The following XIRP2 variants were observed in gnomAD, a reference collection of about 807,000 sequenced individuals.
The protein encoded by XIRP2 is xin actin-binding repeat-containing protein 2.
In XIRP2, 236 loss-of-function variants were observed where a neutral mutation model predicts 277.0. The observed-to-expected ratio is 0.85, with a 90% CI of 0.77 to 0.95. The LOEUF (loss-of-function observed/expected upper bound fraction) is 0.95. Among genes scored for constraint, XIRP2 ranks in the 40% least tolerant of loss-of-function variants. The pLI, the probability that XIRP2 is intolerant of heterozygous loss-of-function variation, is 0.00. For synonymous variants in XIRP2, 1,490 were observed against 1,416.5 expected, an observed-to-expected ratio of 1.05 and a Z score of -1.17; for missense variants, 4,640 against 4,157.5, an observed-to-expected ratio of 1.12 and a Z score of -3.19.
chr2:167,246,612 A>G lies in XIRP2; in HGVS notation c.5220A>G (p.Arg1740=), dbSNP rs1418925761. Residue 1740 remains arginine, a synonymous_variant, in exon 9 of 11, where the codon AGA becomes AGG. Coordinates refer to ENST00000409195, the MANE Select transcript of XIRP2 (RefSeq NM_152381.6). ...GGGCTAAAATTGATGCCTCTGAGAG[A>G]GGAAATGTTCAGTTTTTCACAACCT... ...SERAKIDASE[R]GNVQFFTTCI... 2 of 1,613,736 alleles carry G rather than the reference A, an allele frequency of 1.2e-6. No homozygotes were observed. Among genetic ancestry groups the G allele is most frequent in the East Asian group, 4.5e-5 (2 of 44,828 alleles).
At chr2:167,062,972 A>G (rs768196797) in intron 2 of XIRP2, among the ~76,000 whole-genome samples, 4 of 151,098 alleles carry the variant, frequency 2.6e-5, no homozygotes, top group Non-Finnish European at 4.4e-5. Context: ...GCATTTGTTA[A>G]TTTTTCTTAT....
chr2:167,258,571 A>G lies in XIRP2; in HGVS notation c.*754A>G, dbSNP rs1324462149. 1.2e-6 allele frequency: 2 copies of G among 1,613,198 alleles called. No homozygotes were observed. Among genetic ancestry groups the G allele is most frequent in the Admixed American group, 3.3e-5 (2 of 59,842 alleles). On this transcript the variant is annotated 3_prime_UTR_variant, in exon 11 of 11. Coordinates refer to ENST00000409195, the MANE Select transcript of XIRP2 (RefSeq NM_152381.6). ...AGAGTGCTGAAAAGGAGAAAAATGA[A>G]AAAACTAACCAAACTAATGGTGCAG...
At chr2:167,187,733 C>A (rs1229265811) in intron 3 of XIRP2, among the ~76,000 whole-genome samples, 3 of 152,042 alleles carry the variant, frequency 2.0e-5, no homozygotes, top group African/African-American at 7.2e-5. Flanking sequence ...AGTGTCTTTG[C>A]AGAATAGCAT....
intron 1 of XIRP2, among the ~76,000 whole-genome samples, chr2:166,893,792 G>A (rs1457660091): frequency 1.3e-5 from 2 of 152,038 alleles, no homozygotes; most frequent in Non-Finnish European, 1.5e-5. Flanking sequence ...TCTTAGATTT[G>A]AACATGTGTT....
intron 2 of XIRP2, among the ~76,000 whole-genome samples, chr2:166,951,977 T>C (rs11896680): frequency 0.13 from 19,940 of 152,006 alleles, 1,389 homozygotes; most frequent in Non-Finnish European, 0.15. Flanking sequence ...TGTGGCTTTG[T>C]GTAGGCCATT....
At chr2:167,093,470 C>A (rs1690207315) in intron 2 of XIRP2, among the ~76,000 whole-genome samples, 1 of 151,950 alleles carries the variant, frequency 6.6e-6, no homozygotes, top group African/African-American at 2.4e-5. Context: ...CTCCCTTTGC[C>A]CCCAACTCCC....
intron 2 of XIRP2, among the ~76,000 whole-genome samples, chr2:166,955,098 A>G (rs1444376202): frequency 6.6e-6 from 1 of 151,922 alleles, no homozygotes; most frequent in Non-Finnish European, 1.5e-5. Flanking sequence ...TTTGTAAAAC[A>G]TATCAAAATA....
chr2:167,233,385 T>A (rs1694812837), intron 5 of XIRP2, among the ~76,000 whole-genome samples: 1 of 151,998 alleles, frequency 6.6e-6, no homozygotes, highest in African/African-American at 2.4e-5. Context: ...TAGGTATGTC[T>A]TTAACACAGA....
At chr2:166,942,288 G>C (rs911234909) in intron 2 of XIRP2, among the ~76,000 whole-genome samples, 8 of 152,094 alleles carry the variant, frequency 5.3e-5, no homozygotes, top group African/African-American at 1.9e-4. Flanking sequence ...TGATATCTTA[G>C]AATAAGTTTA....
intron 2 of XIRP2, among the ~76,000 whole-genome samples, chr2:167,104,227 TTG>T (rs1690557419): frequency 6.6e-6 from 1 of 152,142 alleles, no homozygotes; most frequent in African/African-American, 2.4e-5. Context: ...CAATTACTTT[TTG>T]TGTTTCATTT....
intron 2 of XIRP2, among the ~76,000 whole-genome samples, chr2:167,104,325 A>G (rs1042606218): frequency 2.0e-5 from 3 of 152,178 alleles, no homozygotes; most frequent in African/African-American, 7.2e-5. Flanking sequence ...TGATGCATAT[A>G]GAATAAAAAT....
chr2:167,029,122 G>A (rs998104740), intron 2 of XIRP2, among the ~76,000 whole-genome samples: 3 of 151,978 alleles, frequency 2.0e-5, no homozygotes, highest in African/African-American at 7.2e-5. Flanking sequence ...TAAAGAGGAA[G>A]TAGAGAGAAA....
intron 9 of XIRP2, among the ~76,000 whole-genome samples, chr2:167,253,761 T>C (rs910199527): frequency 1.3e-5 from 2 of 151,834 alleles, no homozygotes; most frequent in Non-Finnish European, 2.9e-5. Context: ...CTAATGAACA[T>C]ATTTTACTCA....
At chr2:167,215,709 C>T (rs150821243) in intron 4 of XIRP2, among the ~76,000 whole-genome samples, 65 of 152,184 alleles carry the variant, frequency 4.3e-4, no homozygotes, top group Non-Finnish European at 3.8e-4. Flanking sequence ...GCCAAGTCTT[C>T]CAGTTGCAAG....
chr2:167,185,397 A>G (rs1453030337), intron 3 of XIRP2, among the ~76,000 whole-genome samples: 1 of 152,126 alleles, frequency 6.6e-6, no homozygotes, highest in Non-Finnish European at 1.5e-5. Context: ...AAGTGAAAAA[A>G]TAATATTTAA....
At chr2:166,925,844 A>G (rs2105362915) in intron 2 of XIRP2, among the ~76,000 whole-genome samples, 2 of 151,730 alleles carry the variant, frequency 1.3e-5, no homozygotes, top group South Asian at 4.2e-4. Flanking sequence ...CCTAGGCAGG[A>G]GGATCACTTG....
chr2:167,238,674 A>T (rs1694968570), intron 5 of XIRP2, among the ~76,000 whole-genome samples: 1 of 152,194 alleles, frequency 6.6e-6, no homozygotes, highest in South Asian at 2.1e-4. Context: ...ACCCATGCTC[A>T]CTTGACTATT....
intron 1 of XIRP2, among the ~76,000 whole-genome samples, chr2:166,896,938 A>G (rs1684259621): frequency 6.6e-6 from 1 of 152,192 alleles, no homozygotes; most frequent in South Asian, 2.1e-4. Flanking sequence ...TGCAGCATTC[A>G]GTACAATAAC....
intron 1 of XIRP2, among the ~76,000 whole-genome samples, chr2:166,892,473 C>A (rs764664502): frequency 1.6e-4 from 25 of 152,118 alleles, no homozygotes; most frequent in Non-Finnish European, 2.2e-4. Context: ...TGAAACAGCT[C>A]TGGCATGCAA....
Sources: gnomAD v4.1 joint callset for allele counts (sites outside exome capture counted in the v4.1 genomes callset) on GRCh38, gnomAD v4.1.1 for gene constraint, MANE v1.5 for transcripts, NCBI Gene and HGNC (gene_info 2026-07-23, HGNC 2026-07-21) for gene names.